The following TLCD4 variants were observed in gnomAD, a reference collection of about 807,000 sequenced individuals.
The protein encoded by TLCD4 is TLC domain containing 4.
In TLCD4, 7 loss-of-function variants were observed where a neutral mutation model predicts 24.2. The ratio of observed to expected loss-of-function variants is 0.29; its 90% CI spans 0.16 to 0.54. The LOEUF is 0.54. Ranked by LOEUF, TLCD4 falls within the 20% of genes least tolerant of loss-of-function variation. The pLI is 0.95. For synonymous variants in TLCD4, 103 were observed against 106.4 expected, an observed-to-expected ratio of 0.97 and a Z score of 0.20; for missense variants, 259 against 313.9, an observed-to-expected ratio of 0.82 and a Z score of 1.32.
At chr1:95,140,002 A>G (rs918817224) in intron 1 of TLCD4, among the ~76,000 whole-genome samples, 1 of 152,144 alleles carries the variant, frequency 6.6e-6, no homozygotes, top group African/African-American at 2.4e-5. Flanking sequence ...CTTCAGGGAT[A>G]ATAACACACA....
At chr1:95,158,013 A>G (rs1677679532) in intron 5 of TLCD4, among the ~76,000 whole-genome samples, 4 of 152,070 alleles carry the variant, frequency 2.6e-5, no homozygotes, top group African/African-American at 9.7e-5. Flanking sequence ...TTGGGTAATA[A>G]TGTTAGATAG....
At chr1:95,130,144 CTTTAT>C (rs1447510552) in intron 1 of TLCD4, among the ~76,000 whole-genome samples, 3 of 151,772 alleles carry the variant, frequency 2.0e-5, no homozygotes, top group Non-Finnish European at 4.4e-5. Context: ...CATTCTTTTT[CTTTAT>C]TTTATTTAAT....
chr1:95,159,620 A>G (rs1188984565), intron 5 of TLCD4, among the ~76,000 whole-genome samples: 2 of 152,172 alleles, frequency 1.3e-5, no homozygotes, highest in Non-Finnish European at 2.9e-5. Context: ...GTTTTCTTCT[A>G]GAGTTTTTAT....
At chr1:95,177,529 G>A (rs1043508420) in intron 6 of TLCD4, among the ~76,000 whole-genome samples, 22 of 152,088 alleles carry the variant, frequency 1.4e-4, no homozygotes, top group African/African-American at 4.1e-4. Flanking sequence ...TGTGCCTAGG[G>A]TATACTCTGG....
intron 2 of TLCD4, among the ~76,000 whole-genome samples, chr1:95,148,138 A>G (rs1470751954): frequency 6.6e-6 from 1 of 152,218 alleles, no homozygotes; most frequent in East Asian, 1.9e-4. Flanking sequence ...GTTTTCTTAC[A>G]AATTTGTTAC....
At chr1:95,124,827 A>G (rs1200263716) in intron 1 of TLCD4, among the ~76,000 whole-genome samples, 3 of 150,304 alleles carry the variant, frequency 2.0e-5, no homozygotes, top group African/African-American at 7.3e-5. Context: ...GAACTATAGC[A>G]CTGGCTGGGC....
At chr1:95,113,696 C>T (rs1482489929), upstream of TLCD4, among the ~76,000 whole-genome samples, 1 of 152,152 alleles carries the variant, frequency 6.6e-6, no homozygotes, top group Non-Finnish European at 1.5e-5. Context: ...AAACAATACA[C>T]ATACATTGTA....
chr1:95,155,143 CT>C (rs1405870657), intron 5 of TLCD4, among the ~76,000 whole-genome samples: 4 of 151,910 alleles, frequency 2.6e-5, no homozygotes, highest in South Asian at 4.1e-4. Context: ...ATTTAGTTCT[CT>C]TTTCCCCCCC....
chr1:95,187,399 G>C (rs571230656), intron 6 of TLCD4, among the ~76,000 whole-genome samples: 1 of 152,318 alleles, frequency 6.6e-6, no homozygotes, highest in African/African-American at 2.4e-5. Context: ...ACTGTTGGCT[G>C]TGATCGTTTC....
rs1212437409 is a variant in TLCD4, at chr1:95,193,615, G to A, written c.*1747G>A. 1 of 152,082 alleles carries A rather than the reference G, an allele frequency of 6.6e-6. No individual in the cohort carries two copies. The highest frequency in any genetic ancestry group is 1.5e-5 in the Non-Finnish European group (1 of 67,960). The allele number at this position is 152,082 out of a possible 1,614,324, so 9.4% of individuals were successfully genotyped here. On this transcript the variant is annotated 3_prime_UTR_variant, in exon 7 of 7. Transcript: ENST00000370203. Reference sequence around the variant, plus strand: ...TGATTTGCTTTTATTATTCAATGCAGATAGAGCCTGATAAGTTTTAGAACA... The same window carrying A: ...TGATTTGCTTTTATTATTCAATGCAAATAGAGCCTGATAAGTTTTAGAACA...
At chr1:95,125,792 T>C (rs1676716769) in intron 1 of TLCD4, among the ~76,000 whole-genome samples, 1 of 152,196 alleles carries the variant, frequency 6.6e-6, no homozygotes, top group South Asian at 2.1e-4. Context: ...ATATAGAATA[T>C]AATATTCCTG....
chr1:95,170,024 T>A (rs1340897575), intron 5 of TLCD4, among the ~76,000 whole-genome samples: 1 of 152,208 alleles, frequency 6.6e-6, no homozygotes, highest in African/African-American at 2.4e-5. Flanking sequence ...AGTAAGAAAT[T>A]TAGCAAGAAT....
the TLCD4 span, among the ~76,000 whole-genome samples, chr1:95,106,832 G>C: frequency 6.6e-6 from 1 of 152,202 alleles, no homozygotes; most frequent in East Asian, 1.9e-4. Context: ...GACAAAAAAT[G>C]CTTTTTAATT....
rs142254563 is a variant in TLCD4 at position 95,148,463 on chromosome 1, C to T, written c.156-239C>T. 3.6e-3 allele frequency among the ~76,000 whole-genome samples: 551 copies of T among 152,304 alleles called. 1 individual carries two copies. The highest frequency in any genetic ancestry group is 8.5e-3 in the Admixed American group (130 of 15,290). ...TTAACCAATAAGTGATTCACCAGTT[C>T]TCTAGCAGGAAATTGTAGGCCTTGG... On this transcript the variant is annotated intron_variant, in intron 2 of 6. Transcript: ENST00000370203.
chr1:95,195,455 A>C lies in TLCD4; in HGVS notation c.*3587A>C, dbSNP rs1168449154. ...AACATTTAAATAAATGTGCATTTGA[A>C]TAGCTTTAGGTGGTTTAGTCTATTA... On this transcript the variant is annotated 3_prime_UTR_variant, in exon 7 of 7. Coordinates refer to ENST00000370203, the MANE Select transcript of TLCD4 (RefSeq NM_152487.3). 6.6e-6 allele frequency: 1 copy of C among 152,198 alleles called. No individual in the cohort carries two copies. Among genetic ancestry groups the C allele is most frequent in the Non-Finnish European group, 1.5e-5 (1 of 68,028 alleles). The allele number at this position is 152,198 out of a possible 1,614,324, so 9.4% of individuals were successfully genotyped here.
At position 95,122,711 on chromosome 1, in the gene TLCD4, G is replaced by A. The variant is rs150439991; in HGVS notation, c.-12+5094G>A. ...TTACTATTCATTGAATTCTGCCATG[G>A]CAAACTCTAGGAAAAACTGCACATT... On this transcript the variant is annotated intron_variant, in intron 1 of 6. Coordinates refer to ENST00000370203, the MANE Select transcript of TLCD4 (RefSeq NM_152487.3). Among the ~76,000 whole-genome samples, 1,049 of 152,226 alleles carry A rather than the reference G, an allele frequency of 6.9e-3. 8 individuals are homozygous for A. The highest frequency in any genetic ancestry group is 0.016 in the South Asian group (77 of 4,822).
chr1:95,173,874 C>T lies in TLCD4; in HGVS notation c.458C>T (p.Pro153Leu), dbSNP rs1417945313. Residue 153 changes from proline (P) to leucine (L), a missense_variant, in exon 6 of 7, where the codon CCG becomes CTG. Coordinates refer to ENST00000370203, the MANE Select transcript of TLCD4 (RefSeq NM_152487.3). The part of the protein sequence containing the change: ...NFRLLAELSS[P>L]FVNQRWFFEA... ...CGCCTGCTTGCAGAGCTTTCCAGCC[C>T]GTTTGTGAATCAGCGGTATGTTACT... 2.0e-5 allele frequency: 32 copies of T among 1,613,894 alleles called. No homozygotes were observed. Among genetic ancestry groups the T allele is most frequent in the Non-Finnish European group, 2.7e-5 (32 of 1,179,992 alleles).
chr1:95,125,754 C>G (rs1054007676), intron 1 of TLCD4: 4 of 152,172 alleles, frequency 2.6e-5, no homozygotes, highest in Admixed American at 6.5e-5. Flanking sequence ...AGGGTTAAAT[C>G]AAGAGGGAAA....
the TLCD4 span, among the ~76,000 whole-genome samples, chr1:95,092,656 A>G: frequency 1.2e-3 from 179 of 152,302 alleles, no homozygotes; most frequent in African/African-American, 4.2e-3. Flanking sequence ...CGAACCTACC[A>G]GAAGGAAGAA....
Sources: allele counts gnomAD v4.1 joint callset (sites outside exome capture counted in the v4.1 genomes callset), GRCh38; gene constraint gnomAD v4.1.1; transcripts MANE v1.5; gene names NCBI Gene and HGNC (gene_info 2026-07-23, HGNC 2026-07-21).